Variants in VGLL4 observed in about 807,000 individuals in gnomAD.
The protein encoded by VGLL4 is transcription cofactor vestigial-like protein 4.
Under a neutral mutation model 21.0 loss-of-function variants are expected in VGLL4, and 7 were observed. The ratio of observed to expected loss-of-function variants is 0.33; its 90% confidence interval spans 0.19 to 0.63. VGLL4 has a LOEUF of 0.63. Ranked by LOEUF, VGLL4 falls within the 20% of genes least tolerant of loss-of-function variation. VGLL4 has a pLI of 0.78. For synonymous variants in VGLL4, 222 were observed against 173.2 expected, an observed-to-expected ratio of 1.28 and a Z score of -2.21; for missense variants, 394 against 425.7, an observed-to-expected ratio of 0.93 and a Z score of 0.66.
At position 11,558,391 on chromosome 3, in the gene VGLL4, A is replaced by G; in HGVS notation, c.*165T>C. ...GGGCCCCCTTGTACGGATACCAAGCAAGTACAAAAACAGAACACAAATCCC... is the reference window on the plus strand; with the variant it reads ...GGGCCCCCTTGTACGGATACCAAGCGAGTACAAAAACAGAACACAAATCCC... On this transcript the variant is annotated 3_prime_UTR_variant, in exon 5 of 5. Coordinates refer to ENST00000430365, the MANE Select transcript of VGLL4 (RefSeq NM_001128219.3). The G allele has an allele frequency of 8.6e-7, 1 of 1,169,234 alleles. No individual in the cohort carries two copies. Among genetic ancestry groups the G allele is most frequent in the Admixed American group, 2.8e-5 (1 of 35,354 alleles). 72.4% of individuals were successfully genotyped at this position (1,169,234 alleles called of 1,614,324 possible). A position where few individuals can be genotyped will look rare whatever the true frequency, so the allele number is the denominator to read the frequency against.
intron 2 of VGLL4, among the ~76,000 whole-genome samples, chr3:11,581,092 A>C (rs1296578696): frequency 6.7e-6 from 1 of 149,900 alleles, no homozygotes; most frequent in African/African-American, 2.5e-5. Context: ...AAAAAAGATA[A>C]CTCTTTCTCT....
intron 2 of VGLL4, among the ~76,000 whole-genome samples, chr3:11,671,060 G>A (rs1226691054): frequency 6.6e-6 from 1 of 152,110 alleles, no homozygotes; most frequent in Non-Finnish European, 1.5e-5. Context: ...AGGAGAGGGT[G>A]GTGCATTAAG....
rs535421799 is a variant in VGLL4 at position 11,560,196 on chromosome 3, A to G, written c.496-741T>C. Among the ~76,000 whole-genome samples the G allele has an allele frequency of 5.5e-4, 84 of 152,278 alleles. 1 individual carries two copies. The highest frequency in any genetic ancestry group is 1.9e-3 in the African/African-American group (77 of 41,532). On this transcript the variant is annotated intron_variant, in intron 3 of 4. Coordinates refer to ENST00000430365, the MANE Select transcript of VGLL4 (RefSeq NM_001128219.3). Reference sequence around the variant, plus strand: ...CTGCTCCCCTAACCCACCAAGATTCAGCAAGTGCATCGGTCTGTCCAGGTG... The same window carrying G: ...CTGCTCCCCTAACCCACCAAGATTCGGCAAGTGCATCGGTCTGTCCAGGTG...
chr3:11,574,785 ATGTGTGTGTGTGTGTGTGTGTGTGTGTG>A (rs375691226), intron 2 of VGLL4, among the ~76,000 whole-genome samples: 2 of 121,700 alleles, frequency 1.6e-5, no homozygotes, highest in Admixed American at 8.3e-5. Flanking sequence ...TCAACTATAT[ATGTGTGTGTGTGTGTGTGTGTGTGTGTG>A]TGTGTGTGTG....
chr3:11,574,783 ATATGTG>A (rs1553723602), intron 2 of VGLL4, among the ~76,000 whole-genome samples: 2,269 of 111,828 alleles, frequency 0.02, 30 homozygotes, highest in African/African-American at 0.041. Context: ...ATTCAACTAT[ATATGTG>A]TGTGTGTGTG....
At position 11,565,059 on chromosome 3, in the gene VGLL4, A is replaced by G; in HGVS notation, c.273-40T>C. 1 of 1,456,206 alleles carries G rather than the reference A, an allele frequency of 6.9e-7. No individual in the cohort carries two copies. Among genetic ancestry groups the G allele is most frequent in the Non-Finnish European group, 9.1e-7 (1 of 1,102,346 alleles). 90.2% of individuals were successfully genotyped at this position (1,456,206 alleles called of 1,614,324 possible). A position where few individuals can be genotyped will look rare whatever the true frequency, so the allele number is the denominator to read the frequency against. On this transcript the variant is annotated intron_variant, in intron 2 of 4. Coordinates refer to ENST00000430365, the MANE Select transcript of VGLL4 (RefSeq NM_001128219.3). This position sits in a 1 kb window ranked among gnomAD's most constrained non-coding sequence, Gnocchi z 4.1. The stretch of plus-strand genomic sequence containing the variant: ...TGGGCATTCAGGGGGCGTTTTCTCA[A>G]AGGCAAAGGGGACAGTGACTGTGCG...
intron 2 of VGLL4, among the ~76,000 whole-genome samples, chr3:11,665,101 C>CTTTTCTTTTTTTTTTTTT (rs2076097523): frequency 3.1e-5 from 3 of 96,950 alleles, no homozygotes; most frequent in African/African-American, 1.5e-4. Flanking sequence ...GAATATTTTT[C>CTTTTCTTTTTTTTTTTTT]TTTTTTTTTT....
chr3:11,714,475 G>C (rs577994689), intron 1 of VGLL4, among the ~76,000 whole-genome samples: 2 of 151,822 alleles, frequency 1.3e-5, no homozygotes, highest in East Asian at 1.9e-4. Context: ...TGGATCGCTT[G>C]AGGCCAGAGG....
intron 2 of VGLL4, among the ~76,000 whole-genome samples, chr3:11,593,447 C>T (rs1193089338): frequency 2.0e-5 from 3 of 152,336 alleles, no homozygotes; most frequent in Middle Eastern, 3.4e-3. Context: ...ATATGCCCAG[C>T]ACCTGATTTC....
rs1311743990 is a variant in VGLL4, at chr3:11,559,354, G to A, written c.597C>T (p.Ala199=). The A allele has an allele frequency of 6.5e-7, 1 of 1,549,254 alleles. No homozygotes were observed. The highest frequency in any genetic ancestry group is 8.7e-7 in the Non-Finnish European group (1 of 1,146,230). Residue 199 remains alanine, a synonymous_variant, in exon 4 of 5, where the codon GCC becomes GCT. Coordinates refer to ENST00000430365, the MANE Select transcript of VGLL4 (RefSeq NM_001128219.3). ...CACCGCTCGGTGGCCTCCGGTAGCT[G>A]GCAGGCCCGGGCGCGGCACAGCCGC... ...AHSGCAAPGP[A]SYRRPPSAAT...
At chr3:11,673,838 A>C (rs952364155) in intron 2 of VGLL4, among the ~76,000 whole-genome samples, 2 of 151,950 alleles carry the variant, frequency 1.3e-5, no homozygotes, top group African/African-American at 4.8e-5. Context: ...ACATGGTGAA[A>C]TCCTGTCTCT....
chr3:11,667,839 CTTCT>C (rs2076148716), intron 2 of VGLL4, among the ~76,000 whole-genome samples: 2 of 115,174 alleles, frequency 1.7e-5, no homozygotes, highest in African/African-American at 3.4e-5. Flanking sequence ...TTTCTATCTT[CTTCT>C]TTTTTTTTTT....
At chr3:11,621,407 A>G (rs1418662044) in intron 1 of VGLL4, among the ~76,000 whole-genome samples, 1 of 152,214 alleles carries the variant, frequency 6.6e-6, no homozygotes, top group Admixed American at 6.5e-5. Context: ...GACATCTCAT[A>G]TAAACTCAAT....
intron 1 of VGLL4, among the ~76,000 whole-genome samples, chr3:11,704,420 AAAAG>A (rs1297332715): frequency 6.6e-6 from 1 of 151,308 alleles, no homozygotes; most frequent in East Asian, 1.9e-4. Context: ...AAAAGAAAAG[AAAAG>A]AAAGAAACAT....
At chr3:11,606,310 A>G (rs1325039294) in intron 1 of VGLL4, among the ~76,000 whole-genome samples, 1 of 152,180 alleles carries the variant, frequency 6.6e-6, no homozygotes, top group Non-Finnish European at 1.5e-5. Flanking sequence ...TTGGGTGGGG[A>G]CACTGCCAAA....
intron 2 of VGLL4, among the ~76,000 whole-genome samples, chr3:11,595,775 G>A (rs1446624295): frequency 6.6e-6 from 1 of 150,960 alleles, no homozygotes; most frequent in Non-Finnish European, 1.5e-5. Context: ...TCATAGGTGG[G>A]AATTGAACAA....
chr3:11,704,383 CAAAAAA>C (rs57593843), intron 1 of VGLL4, among the ~76,000 whole-genome samples: 5 of 69,152 alleles, frequency 7.2e-5, no homozygotes, highest in East Asian at 7.5e-4. Context: ...AACTCCGTCT[CAAAAAA>C]AAAAAAAAAA....
At chr3:11,637,674 C>A (rs2075613896) in intron 1 of VGLL4, among the ~76,000 whole-genome samples, 1 of 152,092 alleles carries the variant, frequency 6.6e-6, no homozygotes, top group Non-Finnish European at 1.5e-5. Context: ...GGCAAGACAG[C>A]AAAGCAAAGT....
upstream of VGLL4, among the ~76,000 whole-genome samples, chr3:11,647,175 G>A (rs62245784): frequency 0.033 from 5,037 of 152,122 alleles, 249 homozygotes; most frequent in Admixed American, 0.11. Context: ...CTCCTGGACC[G>A]GCTCTAGGCC....
Sources: allele counts gnomAD v4.1 joint callset (sites outside exome capture counted in the v4.1 genomes callset), GRCh38; gene constraint gnomAD v4.1.1; non-coding constraint Gnocchi (gnomAD v3.1); transcripts MANE v1.5; gene names NCBI Gene and HGNC (gene_info 2026-07-23, HGNC 2026-07-21).